The following MACROD2 variants were observed in gnomAD, a reference collection of about 807,000 sequenced individuals.
MACROD2 encodes ADP-ribose glycohydrolase MACROD2.
A neutral mutation model predicts 70.4 loss-of-function variants in MACROD2; 36 were observed. The observed-to-expected ratio is 0.51, with a 90% confidence interval of 0.39 to 0.68. The LOEUF is 0.68. MACROD2 is among the 30% of genes least tolerant of loss of function. MACROD2 has a pLI of 0.00. For synonymous variants in MACROD2, 172 were observed against 178.8 expected (o/e 0.96, Z 0.30); for missense variants, 496 against 538.4 (o/e 0.92, Z 0.78).
At chr20:15,071,475 CT>C (rs1298010479) in intron 5 of MACROD2, among the ~76,000 whole-genome samples, 1 of 152,070 alleles carries the variant, frequency 6.6e-6, no homozygotes. Context: ...CAATAAATGT[CT>C]TAAGAGAAAA....
chr20:15,545,799 TCAAGCCTATGG>T (rs777737985), intron 8 of MACROD2, among the ~76,000 whole-genome samples: 40 of 152,092 alleles, frequency 2.6e-4, no homozygotes, highest in Non-Finnish European at 4.7e-4. Context: ...TGACCAGAAA[TCAAGCCTATGG>T]CAAAAGAATG....
intron 4 of MACROD2, among the ~76,000 whole-genome samples, chr20:14,640,749 T>C (rs1041165296): frequency 6.6e-6 from 1 of 152,240 alleles, no homozygotes; most frequent in African/African-American, 2.4e-5. Context: ...AGGTGTATAA[T>C]AGCATTATGT....
intron 8 of MACROD2, among the ~76,000 whole-genome samples, chr20:15,800,429 T>A (rs973714250): frequency 6.6e-6 from 1 of 152,256 alleles, no homozygotes; most frequent in African/African-American, 2.4e-5. Context: ...GTTTTATATC[T>A]ATATCTTTAA....
chr20:14,233,428 C>G (rs1296029896), intron 3 of MACROD2, among the ~76,000 whole-genome samples: 1 of 151,916 alleles, frequency 6.6e-6, no homozygotes, highest in Admixed American at 6.6e-5. Context: ...CGCGGTGGCT[C>G]ACGCCTGTAA....
rs77117559 is a variant in MACROD2, at chr20:15,540,872, T to A, written c.645+41025T>A. Among the ~76,000 whole-genome samples the A allele has an allele frequency of 9.9e-5, 15 of 152,114 alleles. No individual in the cohort carries two copies. In the East Asian group the frequency reaches 2.3e-3, roughly 24 times the overall value. ...CTTCATCTTCACTGTGAGTTCTCCC[T>A]GTGTGCACATCTGTATCCAAATTTC... On this transcript the variant is annotated intron_variant, in intron 8 of 17. Coordinates refer to ENST00000684519, the MANE Select transcript of MACROD2 (RefSeq NM_001351661.2).
intron 3 of MACROD2, among the ~76,000 whole-genome samples, chr20:14,295,828 T>A (rs551034271): frequency 6.6e-6 from 1 of 151,832 alleles, no homozygotes; most frequent in Non-Finnish European, 1.5e-5. Context: ...ATAAAACTTT[T>A]ATTGCACATG....
intron 5 of MACROD2, among the ~76,000 whole-genome samples, chr20:14,877,052 G>C (rs1335587893): frequency 6.6e-6 from 1 of 152,018 alleles, no homozygotes; most frequent in Non-Finnish European, 1.5e-5. Flanking sequence ...GGGCAGAATG[G>C]CCATTTTAAG....
At chr20:14,867,228 G>A (rs970165211) in intron 5 of MACROD2, among the ~76,000 whole-genome samples, 3 of 152,208 alleles carry the variant, frequency 2.0e-5, no homozygotes, top group South Asian at 2.1e-4. Flanking sequence ...TAAGTATGTG[G>A]CATTATTTTC....
At chr20:14,206,909 T>C (rs1026324323) in intron 3 of MACROD2, among the ~76,000 whole-genome samples, 4 of 152,170 alleles carry the variant, frequency 2.6e-5, no homozygotes, top group Admixed American at 6.5e-5. Flanking sequence ...AGAAGAGATT[T>C]TTAAAATTTG....
rs189908555 is a variant in MACROD2 at position 15,038,781 on chromosome 20, A to G, written c.419-191159A>G. ...ACATCTTTTGATGCAGTTTGGGTTG[A>G]GGAAGGCAAGAGATGTATTGATGCT... On this transcript the variant is annotated intron_variant, in intron 5 of 17. Transcript: ENST00000684519. Among the ~76,000 whole-genome samples the G allele has an allele frequency of 6.6e-5, 10 of 152,306 alleles. No individual in the cohort carries two copies. In the East Asian group the frequency reaches 1.9e-3, roughly 29 times the overall value.
At chr20:14,207,335 C>T (rs769601215) in intron 3 of MACROD2, among the ~76,000 whole-genome samples, 3 of 152,184 alleles carry the variant, frequency 2.0e-5, no homozygotes, top group African/African-American at 7.2e-5. Context: ...CTCTTGACCT[C>T]GTGGTCCGCC....
intron 5 of MACROD2, among the ~76,000 whole-genome samples, chr20:14,802,353 G>A (rs2072586943): frequency 6.6e-6 from 1 of 151,884 alleles, no homozygotes; most frequent in South Asian, 2.1e-4. Context: ...TTTCTTTTAT[G>A]GCTAAACGCT....
intron 6 of MACROD2, among the ~76,000 whole-genome samples, chr20:15,402,448 C>A (rs140411615): frequency 5.3e-5 from 8 of 152,132 alleles, no homozygotes; most frequent in Non-Finnish European, 1.2e-4. Context: ...TGAAAAATTT[C>A]TCTACTAATG....
chr20:14,381,876 G>A (rs2083423799), intron 3 of MACROD2, among the ~76,000 whole-genome samples: 1 of 152,080 alleles, frequency 6.6e-6, no homozygotes, highest in Admixed American at 6.5e-5. Context: ...ACTCTCAAGA[G>A]GACAGGAAGA....
At chr20:15,060,961 T>A (rs890534631) in intron 5 of MACROD2, among the ~76,000 whole-genome samples, 3 of 152,146 alleles carry the variant, frequency 2.0e-5, no homozygotes, top group Non-Finnish European at 4.4e-5. Context: ...TTTTAACTTG[T>A]GTGGGGGTGT....
At chr20:14,046,709 A>G (rs988177470) in intron 2 of MACROD2, among the ~76,000 whole-genome samples, 3 of 141,910 alleles carry the variant, frequency 2.1e-5, no homozygotes, top group Admixed American at 7.3e-5. Flanking sequence ...ACTCCCAAGC[A>G]TTCTCTTTTA....
chr20:15,616,006 C>T (rs1367518125), intron 8 of MACROD2, among the ~76,000 whole-genome samples: 1 of 151,708 alleles, frequency 6.6e-6, no homozygotes, highest in Non-Finnish European at 1.5e-5. Context: ...AAGTGGAAAG[C>T]TGGTATTTGT....
chr20:14,286,165 A>T (rs1280544084), intron 3 of MACROD2, among the ~76,000 whole-genome samples: 1 of 152,166 alleles, frequency 6.6e-6, no homozygotes, highest in African/African-American at 2.4e-5. Context: ...TTTAAAAATT[A>T]CTATCAACAT....
intron 13 of MACROD2, among the ~76,000 whole-genome samples, chr20:15,978,368 G>C (rs573097117): frequency 6.6e-6 from 1 of 152,180 alleles, no homozygotes; most frequent in Non-Finnish European, 1.5e-5. Context: ...CATGGGGGAG[G>C]TCATGAGAAA....
Sources: gnomAD v4.1 joint callset for allele counts (sites outside exome capture counted in the v4.1 genomes callset) on GRCh38, gnomAD v4.1.1 for gene constraint, MANE v1.5 for transcripts, NCBI Gene and HGNC (gene_info 2026-07-23, HGNC 2026-07-21) for gene names.